The following PCDH7 variants were observed in gnomAD, a reference collection of about 807,000 sequenced individuals.
The protein encoded by PCDH7 is protocadherin-7.
A neutral mutation model predicts 58.9 loss-of-function variants in PCDH7; 17 were observed. The ratio of observed to expected loss-of-function variants is 0.29; its 90% CI spans 0.20 to 0.43. PCDH7 has a LOEUF of 0.43. Ranked by LOEUF, PCDH7 falls within the 20% of genes least tolerant of loss-of-function variation. The pLI, the probability that PCDH7 is intolerant of heterozygous loss-of-function variation, is 1.00. For synonymous variants in PCDH7, 664 were observed against 616.4 expected (o/e 1.08, Z -1.14); for missense variants, 1,274 against 1,441.0 (o/e 0.88, Z 1.88).
At chr4:30,860,544 C>T (rs941664849) in intron 1 of PCDH7, among the ~76,000 whole-genome samples, 3 of 151,706 alleles carry the variant, frequency 2.0e-5, no homozygotes, top group Non-Finnish European at 2.9e-5. Context: ...TTACATATTT[C>T]GGCAGCCTAT....
At chr4:31,134,896 G>A (rs1441216672) in intron 3 of PCDH7, among the ~76,000 whole-genome samples, 2 of 152,082 alleles carry the variant, frequency 1.3e-5, no homozygotes, top group Non-Finnish European at 2.9e-5. Context: ...TAATAGCTGG[G>A]CTGAAAATAG....
intron 1 of PCDH7, among the ~76,000 whole-genome samples, chr4:30,796,546 A>G (rs1212931927): frequency 2.0e-5 from 3 of 152,240 alleles, no homozygotes; most frequent in African/African-American, 7.2e-5. Context: ...CAGTTTGTGG[A>G]CAAATTATAT....
chr4:30,822,048 G>A (rs548638306), intron 1 of PCDH7, among the ~76,000 whole-genome samples: 22 of 152,112 alleles, frequency 1.4e-4, no homozygotes, highest in Non-Finnish European at 2.6e-4. Context: ...ACAAACGATC[G>A]GTATCTCAGA....
At chr4:30,995,935 T>A (rs1354989470) in intron 3 of PCDH7, among the ~76,000 whole-genome samples, 2 of 152,152 alleles carry the variant, frequency 1.3e-5, no homozygotes, top group Admixed American at 6.5e-5. Context: ...GAAAGTCAGG[T>A]GATCAGCCAC....
At chr4:30,926,378 G>C (rs1379310963) in intron 2 of PCDH7, among the ~76,000 whole-genome samples, 1 of 152,048 alleles carries the variant, frequency 6.6e-6, no homozygotes, top group Non-Finnish European at 1.5e-5. Context: ...TAGAGACAGG[G>C]TTTCACCATG....
intron 1 of PCDH7, among the ~76,000 whole-genome samples, chr4:30,765,224 C>T (rs1015337405): frequency 2.9e-5 from 4 of 139,942 alleles, no homozygotes; most frequent in Non-Finnish European, 4.5e-5. Context: ...AAAACGACCT[C>T]GAAAGATTAA....
At chr4:30,781,724 C>T (rs1286992145) in intron 1 of PCDH7, among the ~76,000 whole-genome samples, 2 of 151,690 alleles carry the variant, frequency 1.3e-5, no homozygotes, top group Non-Finnish European at 2.9e-5. Flanking sequence ...TCAGTAGAAA[C>T]GGTGTTTCTC....
intron 3 of PCDH7, among the ~76,000 whole-genome samples, chr4:31,069,493 G>A (rs372158003): frequency 3.3e-5 from 5 of 151,866 alleles, no homozygotes; most frequent in African/African-American, 1.2e-4. Flanking sequence ...GAAGTAATGG[G>A]CATCACTTTA....
intron 3 of PCDH7, among the ~76,000 whole-genome samples, chr4:30,975,143 TTG>T (rs35675648): frequency 0.055 from 7,681 of 138,638 alleles, 262 homozygotes; most frequent in African/African-American, 0.11. Flanking sequence ...TTCCCTTTCA[TTG>T]TGTGTGTGTG....
At chr4:31,046,944 T>G (rs1278566195) in intron 3 of PCDH7, among the ~76,000 whole-genome samples, 4 of 152,144 alleles carry the variant, frequency 2.6e-5, no homozygotes, top group Middle Eastern at 3.4e-3. Flanking sequence ...TATTTAATAA[T>G]TGTTATAAAG....
intron 1 of PCDH7, among the ~76,000 whole-genome samples, chr4:30,870,947 G>A (rs1271378483): frequency 6.6e-6 from 1 of 152,024 alleles, no homozygotes; most frequent in Non-Finnish European, 1.5e-5. Context: ...CCTTTTATGT[G>A]CAATACTTAG....
intron 3 of PCDH7, among the ~76,000 whole-genome samples, chr4:31,058,958 TC>T (rs1757472782): frequency 6.6e-6 from 1 of 152,032 alleles, no homozygotes; most frequent in Admixed American, 6.6e-5. Flanking sequence ...AACCTATTGT[TC>T]CATTTTTATT....
chr4:31,005,206 T>C (rs1752674300), intron 3 of PCDH7, among the ~76,000 whole-genome samples: 1 of 152,164 alleles, frequency 6.6e-6, no homozygotes, highest in Non-Finnish European at 1.5e-5. Context: ...TTGTTGAGGT[T>C]ATGAGGAACT....
chr4:30,897,753 A>G (rs1739634237), intron 1 of PCDH7, among the ~76,000 whole-genome samples: 1 of 152,236 alleles, frequency 6.6e-6, no homozygotes, highest in African/African-American at 2.4e-5. Context: ...AATAAATTAT[A>G]CAGGTTAATA....
chr4:30,892,947 A>G (rs1738814187), intron 1 of PCDH7, among the ~76,000 whole-genome samples: 1 of 152,010 alleles, frequency 6.6e-6, no homozygotes, highest in South Asian at 2.1e-4. Flanking sequence ...TCCTGTTACC[A>G]CTGTTAAATA....
Position 30,964,255 on chromosome 4 carries a change from T to A in PCDH7, c.*7+14040T>A, listed in dbSNP as rs11729222. On this transcript the variant is annotated intron_variant, in intron 3 of 3. Coordinates refer to the PCDH7 transcript ENST00000509759. ...ATTTATTTATTTATTTATTTATTTT[T>A]TTTTGAGATGAAATCTGGCTCTGTC... Among the ~76,000 whole-genome samples the A allele has an allele frequency of 2.0e-3, 300 of 151,096 alleles. 1 individual carries two copies. The highest frequency in any genetic ancestry group is 3.2e-3 in the Non-Finnish European group (216 of 67,792).
chr4:30,891,818 T>A (rs1560473851), intron 1 of PCDH7, among the ~76,000 whole-genome samples: 1 of 150,914 alleles, frequency 6.6e-6, no homozygotes, highest in Non-Finnish European at 1.5e-5. Flanking sequence ...CTCTCCAGGG[T>A]GTCCATTGTA....
chr4:31,138,874 G>A (rs1018065211), intron 3 of PCDH7, among the ~76,000 whole-genome samples: 1 of 151,792 alleles, frequency 6.6e-6, no homozygotes, highest in Non-Finnish European at 1.5e-5. Flanking sequence ...TACTCAGGAG[G>A]CTGAGGCAGG....
At chr4:31,055,445 G>T (rs545211168) in intron 3 of PCDH7, among the ~76,000 whole-genome samples, 1 of 152,034 alleles carries the variant, frequency 6.6e-6, no homozygotes, top group Non-Finnish European at 1.5e-5. Context: ...AAAAAATCTA[G>T]TTGTGTACCA....
Sources: gnomAD v4.1 joint callset for allele counts (sites outside exome capture counted in the v4.1 genomes callset) on GRCh38, gnomAD v4.1.1 for gene constraint, MANE v1.5 for transcripts, NCBI Gene and HGNC (gene_info 2026-07-23, HGNC 2026-07-21) for gene names.